SPHKAP: variants seen among roughly 807,000 people sequenced by gnomAD.
SPHKAP encodes the protein SPHK1 interactor, AKAP domain containing, also known as A-kinase anchor protein SPHKAP.
Under a neutral mutation model 137.5 loss-of-function variants are expected in SPHKAP, and 67 were observed. The ratio of observed to expected loss-of-function variants is 0.49; its 90% CI spans 0.40 to 0.60. SPHKAP has a LOEUF of 0.60. SPHKAP is among the 20% of genes least tolerant of loss of function. The pLI is 0.00. For synonymous variants in SPHKAP, 813 were observed against 785.3 expected (o/e 1.04, Z -0.59); for missense variants, 2,097 against 2,069.3 (o/e 1.01, Z -0.26).
intron 3 of SPHKAP, among the ~76,000 whole-genome samples, chr2:228,078,308 AC>A (rs1393548943): frequency 6.6e-6 from 1 of 152,008 alleles, no homozygotes; most frequent in Non-Finnish European, 1.5e-5. Flanking sequence ...TCCATACCAA[AC>A]CATCAACACA....
intron 1 of SPHKAP, among the ~76,000 whole-genome samples, chr2:228,176,091 G>A (rs1700730394): frequency 6.6e-6 from 1 of 152,192 alleles, no homozygotes; most frequent in African/African-American, 2.4e-5. Flanking sequence ...TGAAAATAAA[G>A]CACAGAGTAG....
intron 3 of SPHKAP, among the ~76,000 whole-genome samples, chr2:228,077,493 A>G (rs1322238980): frequency 6.6e-6 from 1 of 152,178 alleles, no homozygotes; most frequent in East Asian, 1.9e-4. Context: ...GTCAAAGGAG[A>G]CCATATTGGA....
intron 4 of SPHKAP, among the ~76,000 whole-genome samples, chr2:228,026,704 C>T (rs956889382): frequency 6.6e-6 from 1 of 152,156 alleles, no homozygotes; most frequent in African/African-American, 2.4e-5. Flanking sequence ...TAGTACTACA[C>T]ATATGATGAT....
rs200357217 is a variant in SPHKAP, at chr2:228,017,324, C to A, written c.3530G>T (p.Arg1177Met). The stretch of plus-strand genomic sequence containing the variant: ...GGACTGCTTAGAGGGACAGCTAGGC[C>A]TCACACTGAGGTGGTCACTTTTCCG... ...ACRKSDHLSVRPSCPSKQSST... is the reference protein window; with the variant it reads ...ACRKSDHLSVMPSCPSKQSST... Residue 1177 changes from arginine (R) to methionine (M), a missense_variant, in exon 7 of 12, where the codon AGG becomes ATG. Arg to Met is a moderately conservative substitution (Grantham distance 91). Transcript: ENST00000392056. 6.2e-7 allele frequency: 1 copy of A among 1,613,830 alleles called. No homozygotes were observed.
Position 228,038,192 on chromosome 2 carries a change from T to C in SPHKAP, c.247-10649A>G, listed in dbSNP as rs554493834. Among the ~76,000 whole-genome samples, 3 of 152,228 alleles carry C rather than the reference T, an allele frequency of 2.0e-5. No individual in the cohort carries two copies. The South Asian group carries it at 6.2e-4, about 32-fold the overall frequency. ...CTGAAGGCAGGACATGTCCTTAAAGTGACAGAAACATCATGGGCCACGTGT... is the reference window on the plus strand; with the variant it reads ...CTGAAGGCAGGACATGTCCTTAAAGCGACAGAAACATCATGGGCCACGTGT... On this transcript the variant is annotated intron_variant, in intron 3 of 11. Coordinates refer to ENST00000392056, the MANE Select transcript of SPHKAP (RefSeq NM_001142644.2).
intron 2 of SPHKAP, among the ~76,000 whole-genome samples, chr2:228,113,860 T>C (rs972941640): frequency 1.3e-5 from 2 of 152,080 alleles, no homozygotes; most frequent in South Asian, 2.1e-4. Context: ...ATAGTATGCA[T>C]TGAGAGCCAA....
chr2:228,159,850 G>C (rs556665731), intron 1 of SPHKAP, among the ~76,000 whole-genome samples: 1 of 152,206 alleles, frequency 6.6e-6, no homozygotes, highest in East Asian at 1.9e-4. Context: ...CTATGTCTGT[G>C]GAACTAATTT....
At position 228,105,625 on chromosome 2, in the gene SPHKAP, T is replaced by C. The variant is rs543215900; in HGVS notation, c.246+3207A>G. Among the ~76,000 whole-genome samples, 126 of 152,306 alleles carry C rather than the reference T, an allele frequency of 8.3e-4. 4 individuals are homozygous for C. The South Asian group carries it at 0.025, about 30-fold the overall frequency. On this transcript the variant is annotated intron_variant, in intron 3 of 11. Transcript: ENST00000392056. ...TGAATTGTAGCTCCCATAATTCCCA[T>C]GTGTTGTGAGAGGGACCCAGTGGGA...
chr2:228,099,508 T>C (rs537886572), intron 3 of SPHKAP, among the ~76,000 whole-genome samples: 2 of 152,322 alleles, frequency 1.3e-5, no homozygotes, highest in African/African-American at 2.4e-5. Flanking sequence ...CTATTCAGGC[T>C]CTTTTTTTGG....
Position 227,995,689 on chromosome 2 carries a change from C to T in SPHKAP, c.4454G>A (p.Ser1485Asn), listed in dbSNP as rs141675542. ...AVSACQIHSD[S>N]LDTRDVPEAE... ...CTCTGGTACATCTCTGGTATCAAGG[C>T]TGTCACTGTAGAGGGCAAGATATTA... The change falls in exon 8 of 12, where the codon AGC (serine) becomes AAC (asparagine). Residue 1485 changes from serine to asparagine, a missense_variant. Ser to Asn is a conservative substitution (Grantham distance 46). Coordinates refer to ENST00000392056, the MANE Select transcript of SPHKAP (RefSeq NM_001142644.2). The T allele has an allele frequency of 1.5e-5, 24 of 1,595,592 alleles. No homozygotes were observed. The African/African-American group carries it at 3.1e-4, about 21-fold the overall frequency.
intron 3 of SPHKAP, among the ~76,000 whole-genome samples, chr2:228,034,865 T>C (rs1345856404): frequency 6.6e-6 from 1 of 152,126 alleles, no homozygotes; most frequent in Non-Finnish European, 1.5e-5. Flanking sequence ...AAATTAGGTA[T>C]TGATGGGACA....
At chr2:228,013,087 T>C (rs1011447958) in intron 7 of SPHKAP, among the ~76,000 whole-genome samples, 1 of 151,956 alleles carries the variant, frequency 6.6e-6, no homozygotes, top group Admixed American at 6.6e-5. Context: ...TATAAGGGAG[T>C]AGAACTGTTT....
intron 3 of SPHKAP, among the ~76,000 whole-genome samples, chr2:228,058,522 T>C (rs1028689179): frequency 5.3e-5 from 8 of 152,128 alleles, no homozygotes; most frequent in Non-Finnish European, 1.2e-4. Flanking sequence ...GGGTTTTCTT[T>C]CCTCTGCACC....
intron 2 of SPHKAP, chr2:228,131,294 T>C: frequency 2.6e-5 from 26 of 985,240 alleles, no homozygotes; most frequent in Non-Finnish European, 3.0e-5. Context: ...TGAATTGGGA[T>C]GAGAAGAAAC....
At chr2:228,156,519 G>A (rs1005469228) in intron 1 of SPHKAP, among the ~76,000 whole-genome samples, 9 of 152,148 alleles carry the variant, frequency 5.9e-5, no homozygotes, top group African/African-American at 2.2e-4. Flanking sequence ...CAACTTAAAA[G>A]TACAACAATC....
chr2:228,007,690 A>G (rs1283067813), intron 7 of SPHKAP, among the ~76,000 whole-genome samples: 1 of 152,222 alleles, frequency 6.6e-6, no homozygotes, highest in Non-Finnish European at 1.5e-5. Flanking sequence ...TTAAAACAGG[A>G]TGGCAATGGC....
intron 2 of SPHKAP, among the ~76,000 whole-genome samples, chr2:228,114,719 A>C (rs924843814): frequency 6.6e-6 from 1 of 152,146 alleles, no homozygotes; most frequent in Non-Finnish European, 1.5e-5. Context: ...GCCTCTTCAC[A>C]ACATTTGACA....
intron 11 of SPHKAP, among the ~76,000 whole-genome samples, chr2:227,987,955 T>G (rs1025698136): frequency 6.6e-6 from 1 of 152,160 alleles, no homozygotes; most frequent in Non-Finnish European, 1.5e-5. Flanking sequence ...AAGATGACAT[T>G]TTCTGGACTT....
chr2:228,054,393 A>G (rs1200174067), intron 3 of SPHKAP, among the ~76,000 whole-genome samples: 1 of 152,314 alleles, frequency 6.6e-6, no homozygotes, highest in Admixed American at 6.5e-5. Flanking sequence ...GGTTTGGGCA[A>G]GAGACATTGC....
Sources: gnomAD v4.1 joint callset for allele counts (sites outside exome capture counted in the v4.1 genomes callset) on GRCh38, gnomAD v4.1.1 for gene constraint, MANE v1.5 for transcripts, NCBI Gene and HGNC (gene_info 2026-07-23, HGNC 2026-07-21) for gene names.